The following TTC39A variants were observed in gnomAD, a reference collection of about 807,000 sequenced individuals.
The protein encoded by TTC39A is tetratricopeptide repeat protein 39A.
In TTC39A, 46 loss-of-function variants were observed where a neutral mutation model predicts 82.3. The observed-to-expected ratio is 0.56, with a 90% CI of 0.44 to 0.71. The LOEUF is 0.71. Among genes scored for constraint, TTC39A ranks in the 30% least tolerant of loss-of-function variants. TTC39A has a pLI of 0.00. For missense variants in TTC39A, 543 were observed against 712.9 expected, an observed-to-expected ratio of 0.76 and a Z score of 2.71; for synonymous variants, 254 against 275.2, an observed-to-expected ratio of 0.92 and a Z score of 0.76.
chr1:51,317,505 G>A (rs1464527209), intron 2 of TTC39A, among the ~76,000 whole-genome samples: 1 of 152,066 alleles, frequency 6.6e-6, no homozygotes, highest in Non-Finnish European at 1.5e-5. Context: ...TCCCAGCACT[G>A]TGGGAGGCCA....
At chr1:51,296,300 T>A in intron 12 of TTC39A, 130 bp from the exon 13 acceptor site, 1 of 876,390 alleles carries the variant, frequency 1.1e-6, no homozygotes. Context: ...AGGGGAGAAA[T>A]GAAGGTAAGA....
At chr1:51,305,003 C>T in intron 8 of TTC39A, 78 bp downstream of exon 8, 1 of 1,520,956 alleles carries the variant, frequency 6.6e-7, no homozygotes, top group South Asian at 1.1e-5. Flanking sequence ...GCCCTGTGGC[C>T]TGTCAGCCCC....
chr1:51,295,581 C>A (rs1644383476), intron 13 of TTC39A: 1 of 163,918 alleles, frequency 6.1e-6, no homozygotes, highest in Admixed American at 5.7e-5. Flanking sequence ...AGTTGATTTG[C>A]AAAACAGTGC....
chr1:51,309,242 G>C lies in TTC39A; in HGVS notation c.488+19C>G. 2 of 1,594,062 alleles carry C rather than the reference G, an allele frequency of 1.3e-6. No homozygotes were observed. Among genetic ancestry groups the C allele is most frequent in the Non-Finnish European group, 1.7e-6 (2 of 1,168,746 alleles). On this transcript the variant is annotated intron_variant, in intron 6 of 17. Coordinates refer to ENST00000680483, the MANE Select transcript of TTC39A (RefSeq NM_001297663.2). ...GTGGCCCAGGGTCTCCCCACAAGCG[G>C]ATGGCCAGCCCCACTCACTTGTAGG...
At position 51,290,063 on chromosome 1, in the gene TTC39A, GAC is replaced by G; in HGVS notation, c.1433_1434del (p.Cys478SerfsTer15). The G allele has an allele frequency of 1.2e-6, 2 of 1,613,934 alleles. No homozygotes were observed. Among genetic ancestry groups the G allele is most frequent in the Non-Finnish European group, 1.7e-6 (2 of 1,179,878 alleles). On this transcript the variant is annotated frameshift_variant, in exon 16 of 18. Transcript: ENST00000680483. LOFTEE classifies it high-confidence loss of function. ...ECLVKLLKGL[C>X]LKYLGRVQEA... ...TCCTGGACACGGCCCAGGTATTTCA[GAC>G]ACAGGCCTTTCAACAATTTCACCAA... is the stretch of plus-strand genomic sequence containing the variant.
rs1432275100 is a variant in TTC39A at position 51,312,852 on chromosome 1, CA to C, written c.237del (p.Ala80ProfsTer4). 6.2e-7 allele frequency: 1 copy of C among 1,613,934 alleles called. No homozygotes were observed. Among genetic ancestry groups the C allele is most frequent in the South Asian group, 1.1e-5 (1 of 91,080 alleles). On this transcript the variant is annotated frameshift_variant, in exon 3 of 18. Transcript: ENST00000680483. LOFTEE classifies it high-confidence loss of function. Reference protein sequence around the residue: ...MMTFDPQDILLAGNMMKEAQM... With the variant: ...MMTFDPQDILXAGNMMKEAQM... ...TGTGCCTCCTTCATCATGTTGCCGGCAAGCAGGATGTCCTGAGGGTCAAAGG... is the reference window on the plus strand; with the variant it reads ...TGTGCCTCCTTCATCATGTTGCCGGCAGCAGGATGTCCTGAGGGTCAAAGG...
chr1:51,308,291 G>A (rs1644948895), intron 6 of TTC39A, among the ~76,000 whole-genome samples: 1 of 151,360 alleles, frequency 6.6e-6, no homozygotes, highest in African/African-American at 2.4e-5. Context: ...CCAGGCTGGA[G>A]TGCAGTGGCA....
At chr1:51,342,556 C>G (rs1207841426) in intron 1 of TTC39A, among the ~76,000 whole-genome samples, 1 of 152,242 alleles carries the variant, frequency 6.6e-6, no homozygotes, top group Non-Finnish European at 1.5e-5. Context: ...CCCTGCCAAA[C>G]TCTTTGCCCT....
At chr1:51,295,934 GGGGGGCAGTCCGCGGGT>G in intron 13 of TTC39A, 128 bp downstream of exon 13, 1 of 793,814 alleles carries the variant, frequency 1.3e-6, no homozygotes, top group Non-Finnish European at 2.1e-6. Flanking sequence ...GGACACGCAG[GGGGGGCAGTCCGCGGGT>G]GGGGGCAGGG....
chr1:51,302,354 C>T lies in TTC39A; in HGVS notation c.891+3G>A, dbSNP rs750645899. The T allele has an allele frequency of 1.9e-6, 3 of 1,600,750 alleles. No homozygotes were observed. Among genetic ancestry groups the T allele is most frequent in the Non-Finnish European group, 2.6e-6 (3 of 1,173,792 alleles). On this transcript the variant is annotated splice_donor_region_variant and intron_variant, in intron 11 of 17. Coordinates refer to ENST00000680483, the MANE Select transcript of TTC39A (RefSeq NM_001297663.2). Reference sequence around the variant, plus strand: ...AGCCCCGGCCCGGACCCCCATCACTCACTGCATCAATGTTGCCTTTAATGA... The same window carrying T: ...AGCCCCGGCCCGGACCCCCATCACTTACTGCATCAATGTTGCCTTTAATGA...
In TTC39A at chr1:51,303,113, C is replaced by T; in HGVS notation, c.734G>A (p.Cys245Tyr). ...RSVLCVMLLLCYHTFLTFVLG... is the reference protein window; with the variant it reads ...RSVLCVMLLLYYHTFLTFVLG... The stretch of plus-strand genomic sequence containing the variant: ...CACGAAGGTGAGGAAGGTGTGGTAG[C>T]ACAGCAGGAGCATGACACAGAGCAC... Residue 245 changes from cysteine (C) to tyrosine (Y), a missense_variant, in exon 9 of 18, where the codon TGC becomes TAC. Physicochemically the swap from Cys to Tyr is radical, Grantham distance 194. Transcript: ENST00000680483. The T allele has an allele frequency of 6.3e-7, 1 of 1,594,858 alleles. No individual in the cohort carries two copies. The highest frequency in any genetic ancestry group is 1.1e-5 in the South Asian group (1 of 87,530).
At chr1:51,310,079 AC>A (rs1459188655) in intron 5 of TTC39A, among the ~76,000 whole-genome samples, 1 of 152,326 alleles carries the variant, frequency 6.6e-6, no homozygotes, top group Admixed American at 6.5e-5. Flanking sequence ...AGCCTGGCCA[AC>A]GTGGTGAAAC....
At position 51,294,757 on chromosome 1, in the gene TTC39A, A is replaced by C. The variant is rs1449988023; in HGVS notation, c.1146-246T>G. ...AAGGGGTTCCTCCCCGCCAGCTGGCAGAGATGAGAGTGTGCCAAACACCCC... is the reference window on the plus strand; with the variant it reads ...AAGGGGTTCCTCCCCGCCAGCTGGCCGAGATGAGAGTGTGCCAAACACCCC... On this transcript the variant is annotated intron_variant, in intron 13 of 17. Coordinates refer to ENST00000680483, the MANE Select transcript of TTC39A (RefSeq NM_001297663.2). This position sits in a 1 kb window ranked among gnomAD's most constrained non-coding sequence, Gnocchi z 4.3. 6.6e-6 allele frequency among the ~76,000 whole-genome samples: 1 copy of C among 152,214 alleles called. No homozygotes were observed. The highest frequency in any genetic ancestry group is 2.4e-5 in the African/African-American group (1 of 41,456).
rs1269750338 is a variant in TTC39A, at chr1:51,294,492, G to A, written c.1165C>T (p.Leu389Phe). Residue 389 changes from leucine (L) to phenylalanine (F), a missense_variant, in exon 14 of 18, where the codon CTC becomes TTC. Leu to Phe is a conservative substitution (Grantham distance 22, BLOSUM62 0). Transcript: ENST00000680483. The surrounding 1 kb of genome is among the most constrained non-coding windows in gnomAD (Gnocchi z 4.3). The part of the protein sequence containing the change: ...ELFRAVPGLK[L>F]KIAGKSLPTE... The stretch of plus-strand genomic sequence containing the variant: ...GGTAGAGATTTCCCAGCAATCTTGA[G>A]CTTCAGGCCTGGCACAGCTCTGCGA... 5 of 1,614,004 alleles carry A rather than the reference G, an allele frequency of 3.1e-6. No homozygotes were observed. The South Asian group carries it at 4.4e-5, about 14-fold the overall frequency.
chr1:51,343,023 G>T (rs1045638254), intron 1 of TTC39A: 1 of 456,038 alleles, frequency 2.2e-6, no homozygotes, highest in South Asian at 1.5e-5. Context: ...GACCCCGAAG[G>T]CTCCCTGGTG....
At chr1:51,289,060 C>G (rs1644100853) in intron 16 of TTC39A, 105 bp from the exon 17 acceptor site, 2 of 999,888 alleles carry the variant, frequency 2.0e-6, no homozygotes, top group Admixed American at 4.5e-5. Flanking sequence ...TTCCCACTAC[C>G]CAGCCCTAGA....
intron 8 of TTC39A, 105 bp downstream of exon 8, chr1:51,304,976 C>G (rs1285417578): frequency 1.6e-6 from 2 of 1,241,974 alleles, no homozygotes; most frequent in Admixed American, 3.6e-5. Context: ...AGGGGCTGAG[C>G]CAGGATGGGC....
intron 2 of TTC39A, among the ~76,000 whole-genome samples, chr1:51,317,710 A>G (rs1426530890): frequency 2.0e-5 from 3 of 152,228 alleles, no homozygotes; most frequent in Admixed American, 6.5e-5. Flanking sequence ...AGATCACACC[A>G]TTGCACTCCA....
At chr1:51,341,970 G>A (rs936165368) in intron 1 of TTC39A, among the ~76,000 whole-genome samples, 1 of 152,194 alleles carries the variant, frequency 6.6e-6, no homozygotes, top group African/African-American at 2.4e-5. Context: ...GTCCTAGCAG[G>A]CCTCCAGCCT....
Sources: allele counts gnomAD v4.1 joint callset (sites outside exome capture counted in the v4.1 genomes callset), GRCh38; gene constraint gnomAD v4.1.1; non-coding constraint Gnocchi (gnomAD v3.1); transcripts MANE v1.5; gene names NCBI Gene and HGNC (gene_info 2026-07-23, HGNC 2026-07-21).